The following PVT1 variants were observed in gnomAD, a reference collection of about 807,000 sequenced individuals.
PVT1 encodes the protein Pvt1 oncogene, also known as CXCR4/PVT1 fusion.
chr8:127,957,266 G>A (rs1381605733), intron 3 of PVT1, among the ~76,000 whole-genome samples: 1 of 152,090 alleles, frequency 6.6e-6, no homozygotes, highest in Non-Finnish European at 1.5e-5. Flanking sequence ...AGTTTCAGGG[G>A]TGGTTTTAAA....
intron 4 of PVT1, among the ~76,000 whole-genome samples, chr8:128,053,503 C>A (rs1813724639): frequency 6.6e-6 from 1 of 151,436 alleles, no homozygotes. Flanking sequence ...TCAGCTTTAG[C>A]TTTTTCATCC....
chr8:127,905,225 T>C (rs1563635382), intron 3 of PVT1, among the ~76,000 whole-genome samples: 1 of 152,146 alleles, frequency 6.6e-6, no homozygotes, highest in Non-Finnish European at 1.5e-5. Context: ...GATGCAACAT[T>C]GGGGGTGATG....
chr8:128,071,528 TA>T (rs879437083), intron 5 of PVT1, among the ~76,000 whole-genome samples: 7 of 148,602 alleles, frequency 4.7e-5, no homozygotes, highest in South Asian at 2.1e-4. Flanking sequence ...TAAAAATTTT[TA>T]AAAAAAAAAA....
intron 5 of PVT1, among the ~76,000 whole-genome samples, chr8:128,092,523 A>G (rs1318779082): frequency 1.3e-5 from 2 of 152,218 alleles, no homozygotes; most frequent in African/African-American, 4.8e-5. Context: ...TGCTGGGGAC[A>G]CATACGTCAT....
At chr8:128,064,130 A>C (rs1813870161) in intron 4 of PVT1, among the ~76,000 whole-genome samples, 1 of 152,220 alleles carries the variant, frequency 6.6e-6, no homozygotes, top group Non-Finnish European at 1.5e-5. Flanking sequence ...TCCTTCCTGC[A>C]GTACCCGTCC....
intron 5 of PVT1, among the ~76,000 whole-genome samples, chr8:128,071,641 T>C (rs1813994132): frequency 6.6e-6 from 1 of 151,454 alleles, no homozygotes; most frequent in Non-Finnish European, 1.5e-5. Flanking sequence ...GCTCTGATCA[T>C]GCCATTGCTC....
chr8:128,097,037 G>A (rs1364860504), intron 6 of PVT1, among the ~76,000 whole-genome samples: 1 of 152,152 alleles, frequency 6.6e-6, no homozygotes, highest in East Asian at 1.9e-4. Flanking sequence ...CAACTCTAGG[G>A]TTACCTTTAG....
rs1293036762 is a variant in PVT1 at position 127,997,044 on chromosome 8, G to GTTTTTTTTTTTTTTTTTT, written n.912+7765_912+7766insTTTTTTTTTTTTTTTTTT. 2.5e-5 allele frequency among the ~76,000 whole-genome samples: 2 copies of GTTTTTTTTTTTTTTTTTT among 81,594 alleles called. 1 individual carries two copies. The highest frequency in any genetic ancestry group is 4.5e-5 in the Non-Finnish European group (2 of 44,508). 53.5% of individuals were successfully genotyped at this position (81,594 alleles called of 152,430 possible). A position where few individuals can be genotyped will look rare whatever the true frequency, so the allele number is the denominator to read the frequency against. On this transcript the variant is annotated intron_variant and non_coding_transcript_variant, in intron 4 of 10. Transcript: ENST00000651587. ...GAACATTCACTGGTCATTTGCTTTC[G>GTTTTTTTTTTTTTTTTTT]TTTTTTTTTTTTGTTTGTTTGTTTT... is the stretch of plus-strand genomic sequence containing the variant.
intron 3 of PVT1, among the ~76,000 whole-genome samples, chr8:127,906,104 T>C (rs1815816605): frequency 6.6e-6 from 1 of 152,188 alleles, no homozygotes; most frequent in Non-Finnish European, 1.5e-5. Flanking sequence ...GATGGTCACA[T>C]AATCGGTGTA....
At chr8:127,873,169 TCCTC>T (rs1815370690) in intron 2 of PVT1, among the ~76,000 whole-genome samples, 1 of 152,182 alleles carries the variant, frequency 6.6e-6, no homozygotes, top group Non-Finnish European at 1.5e-5. Context: ...TCTGGGTGTG[TCCTC>T]CTGCGAGTTT....
At chr8:127,930,974 G>A (rs1816198788) in intron 3 of PVT1, among the ~76,000 whole-genome samples, 1 of 152,104 alleles carries the variant, frequency 6.6e-6, no homozygotes, top group Admixed American at 6.5e-5. Context: ...GTTCAGTGGT[G>A]CCGTCACTGC....
chr8:127,907,864 G>T (rs774413675), intron 3 of PVT1, among the ~76,000 whole-genome samples: 1 of 152,064 alleles, frequency 6.6e-6, no homozygotes, highest in Non-Finnish European at 1.5e-5. Context: ...GGATGGGAGG[G>T]GGGTAGCTGA....
chr8:128,100,725 A>C (rs1814493213), intron 6 of PVT1, among the ~76,000 whole-genome samples: 1 of 152,164 alleles, frequency 6.6e-6, no homozygotes, highest in South Asian at 2.1e-4. Context: ...CCTTTCTCTT[A>C]ATTATTCCTG....
At chr8:127,924,009 G>A (rs1304705674) in intron 3 of PVT1, among the ~76,000 whole-genome samples, 2 of 152,226 alleles carry the variant, frequency 1.3e-5, no homozygotes, top group African/African-American at 4.8e-5. Context: ...GTTCCTGGCT[G>A]TCTGCTCCAT....
intron 5 of PVT1, among the ~76,000 whole-genome samples, chr8:128,076,448 C>A (rs1395646152): frequency 2.0e-5 from 3 of 152,148 alleles, no homozygotes; most frequent in Admixed American, 2.0e-4. Context: ...TTCAGATTTT[C>A]CTCCTCTTTC....
chr8:128,047,397 G>A (rs749049633), intron 4 of PVT1, among the ~76,000 whole-genome samples: 12 of 152,306 alleles, frequency 7.9e-5, no homozygotes, highest in African/African-American at 1.7e-4. Context: ...GAATGGAAAC[G>A]TTTTTGTTTT....
At chr8:128,046,725 T>G (rs1401955516) in intron 4 of PVT1, among the ~76,000 whole-genome samples, 1 of 152,250 alleles carries the variant, frequency 6.6e-6, no homozygotes, top group Non-Finnish European at 1.5e-5. Flanking sequence ...GAGTACCATC[T>G]GAAGGTCCTC....
intron 2 of PVT1, among the ~76,000 whole-genome samples, chr8:127,829,886 G>T (rs937249776): frequency 3.3e-5 from 5 of 152,110 alleles, no homozygotes; most frequent in East Asian, 1.9e-4. Flanking sequence ...CCACATGAAG[G>T]CTCCGAAAAA....
At chr8:127,882,839 TAG>T (rs773068562) in intron 2 of PVT1, among the ~76,000 whole-genome samples, 26 of 152,260 alleles carry the variant, frequency 1.7e-4, no homozygotes, top group Admixed American at 9.2e-4. Flanking sequence ...GAGGCACACT[TAG>T]CATGTGAGAC....
Sources: gnomAD v4.1 joint callset for allele counts (sites outside exome capture counted in the v4.1 genomes callset) on GRCh38, gnomAD v4.1.1 for gene constraint, MANE v1.5 for transcripts, NCBI Gene and HGNC (gene_info 2026-07-23, HGNC 2026-07-21) for gene names.